OTUD3: variants seen among roughly 807,000 people sequenced by gnomAD.
The protein encoded by OTUD3 is OTU deubiquitinase 3.
OTUD3 carries 24 observed loss-of-function variants against 46.2 expected under a neutral mutation model. That is an observed-to-expected ratio of 0.52 (90% CI 0.38 to 0.73). The LOEUF (loss-of-function observed/expected upper bound fraction) is 0.73. OTUD3 is among the 30% of genes least tolerant of loss of function. The pLI, the probability that OTUD3 is intolerant of heterozygous loss-of-function variation, is 0.00. For synonymous variants in OTUD3, 189 were observed against 195.4 expected, an observed-to-expected ratio of 0.97 and a Z score of 0.27; for missense variants, 455 against 523.3, an observed-to-expected ratio of 0.87 and a Z score of 1.27.
intron 2 of OTUD3, among the ~76,000 whole-genome samples, chr1:19,893,177 G>A (rs2045471786): frequency 6.6e-6 from 1 of 152,194 alleles, no homozygotes; most frequent in Non-Finnish European, 1.5e-5. Context: ...ACCACCTGGA[G>A]TTAGCCAAAC....
At chr1:19,892,741 ATACTGTTC>A (rs1285523737) in intron 2 of OTUD3, among the ~76,000 whole-genome samples, 2 of 152,090 alleles carry the variant, frequency 1.3e-5, no homozygotes, top group African/African-American at 4.8e-5. Context: ...GATTTCCTCC[ATACTGTTC>A]GGTATCATTG....
At position 19,887,111 on chromosome 1, in the gene OTUD3, G is replaced by A. The variant is rs1247705740; in HGVS notation, c.222-3274G>A. On this transcript the variant is annotated intron_variant, in intron 1 of 7. Coordinates refer to ENST00000375120, the MANE Select transcript of OTUD3 (RefSeq NM_015207.2). Reference sequence around the variant, plus strand: ...TTTTTTTTTTTTTGGAGACATTAGAGTTTGTTGTTGTTGCCCAGGCTGGAG... The same window carrying A: ...TTTTTTTTTTTTTGGAGACATTAGAATTTGTTGTTGTTGCCCAGGCTGGAG... Among the ~76,000 whole-genome samples, 3 of 134,950 alleles carry A rather than the reference G, an allele frequency of 2.2e-5. No individual in the cohort carries two copies. In the East Asian group the frequency reaches 6.2e-4, roughly 28 times the overall value. 88.5% of individuals were successfully genotyped at this position (134,950 alleles called of 152,430 possible).
intron 1 of OTUD3, among the ~76,000 whole-genome samples, chr1:19,884,200 A>G (rs992966120): frequency 6.6e-6 from 1 of 152,148 alleles, no homozygotes; most frequent in Non-Finnish European, 1.5e-5. Context: ...CTTGCAAATG[A>G]TTGGATTGCT....
At chr1:19,894,767 G>A (rs114931930) in intron 3 of OTUD3, among the ~76,000 whole-genome samples, 2 of 152,214 alleles carry the variant, frequency 1.3e-5, no homozygotes, top group African/African-American at 4.8e-5. Flanking sequence ...AACACAGGCT[G>A]TCACCCCCTA....
chr1:19,883,890 C>T (rs1373508779), intron 1 of OTUD3, among the ~76,000 whole-genome samples: 5 of 152,196 alleles, frequency 3.3e-5, no homozygotes, highest in East Asian at 3.8e-4. Flanking sequence ...CCTTTCCCAC[C>T]GTTCCTGTTT....
intron 4 of OTUD3, among the ~76,000 whole-genome samples, chr1:19,899,917 ATTAAG>A (rs1230721015): frequency 6.6e-6 from 1 of 151,674 alleles, no homozygotes; most frequent in Non-Finnish European, 1.5e-5. Context: ...TTTTTTTCCT[ATTAAG>A]TTGTCTTAAT....
chr1:19,886,881 A>G (rs2045368930), intron 1 of OTUD3, among the ~76,000 whole-genome samples: 1 of 152,208 alleles, frequency 6.6e-6, no homozygotes, highest in African/African-American at 2.4e-5. Context: ...TTTGAGAATC[A>G]GTGATCTAGA....
rs999039814 is a variant in OTUD3, at chr1:19,898,596, C to T, written c.606+934C>T. 4.0e-5 allele frequency among the ~76,000 whole-genome samples: 6 copies of T among 151,762 alleles called. No homozygotes were observed. In the South Asian group the frequency reaches 6.3e-4, roughly 16 times the overall value. Reference sequence around the variant, plus strand: ...ATACAAAATTAGCCGGGTGTGGTGGCGCATGCCTGTAATCCCAGCTACTCG... The same window carrying T: ...ATACAAAATTAGCCGGGTGTGGTGGTGCATGCCTGTAATCCCAGCTACTCG... On this transcript the variant is annotated intron_variant, in intron 4 of 7. Transcript: ENST00000375120.
chr1:19,886,532 T>G (rs2045363706), intron 1 of OTUD3, among the ~76,000 whole-genome samples: 1 of 152,210 alleles, frequency 6.6e-6, no homozygotes, highest in Admixed American at 6.5e-5. Context: ...GGAGGAACTT[T>G]TGAAACAATT....
chr1:19,900,927 T>G lies in OTUD3; in HGVS notation c.606+3265T>G, dbSNP rs199890091. Among the ~76,000 whole-genome samples, 556 of 147,974 alleles carry G rather than the reference T, an allele frequency of 3.8e-3. 6 individuals are homozygous for G. The highest frequency in any genetic ancestry group is 0.013 in the African/African-American group (504 of 40,236). On this transcript the variant is annotated intron_variant, in intron 4 of 7. Coordinates refer to ENST00000375120, the MANE Select transcript of OTUD3 (RefSeq NM_015207.2). ...AGGTTTTTTTTTTTGTTTTTTTTTT[T>G]TTTTTTTTGAGACAGAGTCTTGCTC...
At chr1:19,896,715 C>G (rs915634500) in intron 3 of OTUD3, among the ~76,000 whole-genome samples, 1 of 152,218 alleles carries the variant, frequency 6.6e-6, no homozygotes, top group Non-Finnish European at 1.5e-5. Context: ...GGAACCATTA[C>G]TGGGCTTTCT....
rs2045738659 is a variant in OTUD3 at position 19,911,932 on chromosome 1, A to G, written c.*4186A>G. The G allele has an allele frequency of 6.6e-6, 1 of 151,840 alleles. No individual in the cohort carries two copies. Among genetic ancestry groups the G allele is most frequent in the South Asian group, 2.1e-4 (1 of 4,794 alleles). The allele number at this position is 151,840 out of a possible 1,614,324, so 9.4% of individuals were successfully genotyped here. ...TCTCCCAAGGTGAAATTCCTTTAAA[A>G]CCTCAGGCTCTGACCTATGTCTTTG... On this transcript the variant is annotated 3_prime_UTR_variant, in exon 8 of 8. Coordinates refer to ENST00000375120, the MANE Select transcript of OTUD3 (RefSeq NM_015207.2).
chr1:19,887,787 T>C (rs770868564), intron 1 of OTUD3, among the ~76,000 whole-genome samples: 8 of 152,190 alleles, frequency 5.3e-5, no homozygotes, highest in African/African-American at 1.2e-4. Context: ...TTTATCTGAA[T>C]ACGTCTCTCT....
At chr1:19,895,432 A>G (rs191971967) in intron 3 of OTUD3, among the ~76,000 whole-genome samples, 48 of 152,314 alleles carry the variant, frequency 3.2e-4, no homozygotes, top group Non-Finnish European at 1.0e-4. Flanking sequence ...GTACTTTGTA[A>G]TCACTGGCCC....
intron 6 of OTUD3, among the ~76,000 whole-genome samples, chr1:19,906,115 T>C (rs1294740624): frequency 6.6e-6 from 1 of 152,248 alleles, no homozygotes; most frequent in African/African-American, 2.4e-5. Context: ...AGCCTGTTTC[T>C]TTTCTGGGTT....
At chr1:19,904,864 T>C (rs2045636304) in intron 5 of OTUD3, 27 bp from the exon 6 acceptor site, 1 of 1,199,520 alleles carries the variant, frequency 8.3e-7, no homozygotes, top group South Asian at 1.3e-5. Flanking sequence ...TTGAAGTGGT[T>C]TTTTTGTTTG....
chr1:19,894,338 A>T, intron 2 of OTUD3, 30 bp from the exon 3 acceptor site: 1 of 1,311,384 alleles, frequency 7.6e-7, no homozygotes, highest in South Asian at 1.3e-5. Context: ...CACTATAAAG[A>T]CGTCATTTTT....
Position 19,904,322 on chromosome 1 carries a change from G to A in OTUD3, c.662G>A (p.Gly221Glu). The A allele has an allele frequency of 1.2e-6, 2 of 1,612,112 alleles. No homozygotes were observed. Among genetic ancestry groups the A allele is most frequent in the Non-Finnish European group, 1.7e-6 (2 of 1,178,548 alleles). Residue 221 changes from glycine (G) to glutamate (E), a missense_variant, in exon 5 of 8, where the codon GGA becomes GAA. Gly to Glu is a moderately conservative substitution (Grantham distance 98). Transcript: ENST00000375120. The part of the protein sequence containing the change: ...SNKREKIKTK[G>E]MDSEDDLRDE... The stretch of plus-strand genomic sequence containing the variant: ...AAAAGAGAAAAGATCAAGACAAAGG[G>A]AATGGACTCTGAAGACGACCTGAGA...
chr1:19,894,340 G>T (rs553747914), intron 2 of OTUD3, 28 bp from the exon 3 acceptor site: 4 of 1,356,950 alleles, frequency 2.9e-6, no homozygotes, highest in African/African-American at 2.9e-5. Flanking sequence ...CTATAAAGAC[G>T]TCATTTTTCT....
Sources: gnomAD v4.1 joint callset for allele counts (sites outside exome capture counted in the v4.1 genomes callset) on GRCh38, gnomAD v4.1.1 for gene constraint, MANE v1.5 for transcripts, NCBI Gene and HGNC (gene_info 2026-07-23, HGNC 2026-07-21) for gene names.